Variants in GIMAP7 observed in about 807,000 individuals in gnomAD.
GIMAP7 encodes the protein GTPase IMAP family member 7.
For synonymous variants in GIMAP7, 137 were observed against 129.3 expected (o/e 1.06, Z -0.40); for missense variants, 323 against 359.7 (o/e 0.90, Z 0.83).
chr7:150,519,905 T>G, intron 1 of GIMAP7, 29 bp from the exon 2 acceptor site: 1 of 1,455,330 alleles, frequency 6.9e-7, no homozygotes, highest in Non-Finnish European at 9.3e-7. Context: ...TAAAACTGGC[T>G]TTTTTTCCCC....
In GIMAP7 at chr7:150,521,025, T is replaced by TAC; in HGVS notation, c.*149_*150insCA. 1 of 252,652 alleles carries TAC rather than the reference T, an allele frequency of 4.0e-6. No individual in the cohort carries two copies. 15.7% of individuals were successfully genotyped at this position (252,652 alleles called of 1,614,324 possible). On this transcript the variant is annotated 3_prime_UTR_variant, in exon 2 of 2. Transcript: ENST00000313543. Reference sequence around the variant, plus strand: ...AATGTGATTTTTAAATATATATATATATATACACACATTGTGAAATAATGA... The same window carrying TAC: ...AATGTGATTTTTAAATATATATATATACATATACACACATTGTGAAATAATGA...
intron 1 of GIMAP7, 21 bp from the exon 2 acceptor site, chr7:150,519,913 C>T (rs1795169242): frequency 6.7e-7 from 1 of 1,488,216 alleles, no homozygotes; most frequent in East Asian, 2.3e-5. Context: ...GCTTTTTTTC[C>T]CCTATCTTCC....
chr7:150,520,008 G>A lies in GIMAP7; in HGVS notation c.34G>A (p.Val12Ile), dbSNP rs748612836. ...GAGTGAGGACCGCTCCCTGAGGATCGTTCTGGTAGGGAAAACTGGAAGTGG... is the reference window on the plus strand; with the variant it reads ...GAGTGAGGACCGCTCCCTGAGGATCATTCTGGTAGGGAAAACTGGAAGTGG... ...AESEDRSLRI[V>I]LVGKTGSGKS... The change falls in exon 2 of 2, where the codon GTT becomes ATT. Residue 12 changes from valine to isoleucine, a missense_variant. Transcript: ENST00000313543. 15 of 1,614,048 alleles carry A rather than the reference G, an allele frequency of 9.3e-6. No homozygotes were observed. The highest frequency in any genetic ancestry group is 8.0e-5 in the African/African-American group (6 of 74,918).
intron 1 of GIMAP7, among the ~76,000 whole-genome samples, chr7:150,516,077 C>T (rs945098245): frequency 1.3e-5 from 2 of 152,102 alleles, no homozygotes; most frequent in African/African-American, 4.8e-5. Context: ...GCACAGTGAC[C>T]AGGGGCATGT....
chr7:150,517,326 A>G (rs1238269519), intron 1 of GIMAP7, among the ~76,000 whole-genome samples: 3 of 152,168 alleles, frequency 2.0e-5, no homozygotes, highest in Non-Finnish European at 4.4e-5. Context: ...GTCCAGTTGG[A>G]ACCTCTTTAA....
At chr7:150,517,719 C>T (rs1267559443) in intron 1 of GIMAP7, among the ~76,000 whole-genome samples, 2 of 152,072 alleles carry the variant, frequency 1.3e-5, no homozygotes, top group Admixed American at 6.5e-5. Flanking sequence ...TTTCTTTTAA[C>T]TTTTACTGGT....
chr7:150,517,674 C>G (rs772454928), intron 1 of GIMAP7, among the ~76,000 whole-genome samples: 10 of 152,050 alleles, frequency 6.6e-5, no homozygotes, highest in Admixed American at 3.3e-4. Flanking sequence ...GTGGTTCATC[C>G]TTGACACAAG....
rs1284006001 is a variant in GIMAP7, at chr7:150,520,592, C to T, written c.618C>T (p.Tyr206=). 1 of 1,614,028 alleles carries T rather than the reference C, an allele frequency of 6.2e-7. No individual in the cohort carries two copies. Among genetic ancestry groups the T allele is most frequent in the Non-Finnish European group, 8.5e-7 (1 of 1,180,010 alleles). Residue 206 remains tyrosine (Y), a synonymous_variant, in exon 2 of 2, where the codon TAC becomes TAT. Transcript: ENST00000313543. The part of the protein sequence containing the change: ...NEGAYFSDDI[Y]KDTEERLKQR... ...GGGCTTACTTTTCTGATGACATATA[C>T]AAGGACACAGAGGAAAGGCTGAAAC... is the stretch of plus-strand genomic sequence containing the variant.
At chr7:150,519,857 G>C (rs1412297485) in intron 1 of GIMAP7, 77 bp from the exon 2 acceptor site, 9 of 823,470 alleles carry the variant, frequency 1.1e-5, no homozygotes, top group Admixed American at 7.6e-5. Context: ...GGAAGAAAGA[G>C]AAAGCAGAAA....
chr7:150,517,964 T>G (rs1795151534), intron 1 of GIMAP7, among the ~76,000 whole-genome samples: 1 of 152,190 alleles, frequency 6.6e-6, no homozygotes, highest in South Asian at 2.1e-4. Flanking sequence ...AAAACTAATA[T>G]TCCTTCTTCT....
chr7:150,517,587 CACACACACACAT>C (rs1236332204), intron 1 of GIMAP7, among the ~76,000 whole-genome samples: 3 of 150,434 alleles, frequency 2.0e-5, no homozygotes, highest in African/African-American at 5.0e-5. Flanking sequence ...AAACAGTACA[CACACACACACAT>C]ACACACACAC....
rs148683928 is a variant in GIMAP7, at chr7:150,519,943, G to A, written c.-32G>A. Reference sequence around the variant, plus strand: ...TCTTCCCCTCCTTAAGGTCTTGTACGTGCCTAAGTTCTAGAGCCTCCTGAC... The same window carrying A: ...TCTTCCCCTCCTTAAGGTCTTGTACATGCCTAAGTTCTAGAGCCTCCTGAC... On this transcript the variant is annotated 5_prime_UTR_variant, in exon 2 of 2. The change creates a new upstream start codon in the 5' untranslated region. Coordinates refer to ENST00000313543, the MANE Select transcript of GIMAP7 (RefSeq NM_153236.4). The A allele has an allele frequency of 0.011, 16,853 of 1,600,768 alleles. 739 individuals carry two copies. In the South Asian group the frequency reaches 0.11, roughly 11 times the overall value.
At chr7:150,515,005 G>C (rs1263713814) in intron 1 of GIMAP7, 60 bp downstream of exon 1, 1 of 152,956 alleles carries the variant, frequency 6.5e-6, no homozygotes, top group Non-Finnish European at 1.5e-5. Context: ...GTGGGGACAG[G>C]GTGTGTGGCT....
chr7:150,515,554 G>GT (rs1795127415), intron 1 of GIMAP7, among the ~76,000 whole-genome samples: 1 of 152,138 alleles, frequency 6.6e-6, no homozygotes, highest in Admixed American at 6.5e-5. Flanking sequence ...TGCAAGATTG[G>GT]TTTTATTTTC....
intron 1 of GIMAP7, among the ~76,000 whole-genome samples, chr7:150,516,060 C>A (rs932588163): frequency 1.3e-5 from 2 of 152,160 alleles, no homozygotes; most frequent in Non-Finnish European, 2.9e-5. Context: ...CTGCCCAATA[C>A]CTCTTAGCAC....
Position 150,520,572 on chromosome 7 carries a change from T to G in GIMAP7, c.598T>G (p.Tyr200Asp). ...AATGGTGCAGTGCAACGAAGGGGCT[T>G]ACTTTTCTGATGACATATACAAGGA... ...EKMVQCNEGA[Y>D]FSDDIYKDTE... is the part of the protein sequence containing the mutation. The change falls in exon 2 of 2, where the codon TAC becomes GAC. Residue 200 changes from tyrosine to aspartate, a missense_variant. Tyr to Asp is a radical substitution (Grantham distance 160). Coordinates refer to ENST00000313543, the MANE Select transcript of GIMAP7 (RefSeq NM_153236.4). 1.9e-6 allele frequency: 3 copies of G among 1,614,222 alleles called. No homozygotes were observed. The highest frequency in any genetic ancestry group is 2.5e-6 in the Non-Finnish European group (3 of 1,180,044).
chr7:150,515,736 T>TTTAAAACTTGAGAAAGA (rs1404478151), intron 1 of GIMAP7, among the ~76,000 whole-genome samples: 1 of 3,530 alleles, frequency 2.8e-4, no homozygotes, highest in Non-Finnish European at 4.3e-4. Flanking sequence ...TTGAGAAAGT[T>TTTAAAACTTGAGAAAGA]TTAAAACTTG....
At position 150,520,167 on chromosome 7, in the gene GIMAP7, C is replaced by T. The variant is rs761682617; in HGVS notation, c.193C>T (p.Pro65Ser). ...QGRDLLVVDT[P>S]GLFDTKESLD... is the part of the protein sequence containing the mutation. The stretch of plus-strand genomic sequence containing the variant: ...GAGAGACCTTCTTGTTGTAGACACT[C>T]CAGGGCTCTTTGACACCAAGGAGAG... The change falls in exon 2 of 2, where the codon CCA becomes TCA. Residue 65 changes from proline (P) to serine (S), a missense_variant. Coordinates refer to ENST00000313543, the MANE Select transcript of GIMAP7 (RefSeq NM_153236.4). The T allele has an allele frequency of 8.7e-6, 14 of 1,613,996 alleles. No individual in the cohort carries two copies. The highest frequency in any genetic ancestry group is 1.3e-5 in the African/African-American group (1 of 74,904).
rs765040620 is a variant in GIMAP7 at position 150,520,455 on chromosome 7, G to A, written c.481G>A (p.Gly161Arg). 5.6e-5 allele frequency: 90 copies of A among 1,614,056 alleles called. No homozygotes were observed. The highest frequency in any genetic ancestry group is 7.3e-5 in the Non-Finnish European group (86 of 1,180,052). ...CCTAAAAAGCATCGTCAAGGAGTGC[G>A]GGAACCGCTGCTGTGCCTTTAGCAA... ...VGLKSIVKEC[G>R]NRCCAFSNSK... The change falls in exon 2 of 2, where the codon GGG (glycine) becomes AGG (arginine). Residue 161 changes from glycine to arginine, a missense_variant. Coordinates refer to ENST00000313543, the MANE Select transcript of GIMAP7 (RefSeq NM_153236.4).
Sources: allele counts gnomAD v4.1 joint callset (sites outside exome capture counted in the v4.1 genomes callset), GRCh38; gene constraint gnomAD v4.1.1; transcripts MANE v1.5; gene names NCBI Gene and HGNC (gene_info 2026-07-23, HGNC 2026-07-21).